STPG2: variants seen among roughly 807,000 people sequenced by gnomAD.
The protein encoded by STPG2 is sperm tail PG-rich repeat containing 2.
In STPG2, 56 loss-of-function variants were observed where a neutral mutation model predicts 54.2. The observed-to-expected ratio is 1.03, with a 90% CI of 0.83 to 1.29. The LOEUF (loss-of-function observed/expected upper bound fraction) is 1.29, where lower values mean the gene tolerates loss of function less well. STPG2 is among the 50% of genes most tolerant of loss of function. STPG2 has a pLI of 0.00. For missense variants in STPG2, 596 were observed against 544.9 expected (o/e 1.09, Z -0.93); for synonymous variants, 200 against 181.8 (o/e 1.10, Z -0.81).
intron 4 of STPG2, among the ~76,000 whole-genome samples, chr4:97,537,267 CA>C (rs1731557455): frequency 6.6e-6 from 1 of 152,172 alleles, no homozygotes; most frequent in Admixed American, 6.5e-5. Flanking sequence ...CCGGGAAGCA[CA>C]AGGGGTCAGG....
chr4:97,666,262 T>C (rs1560709841), intron 10 of STPG2, among the ~76,000 whole-genome samples: 1 of 152,078 alleles, frequency 6.6e-6, no homozygotes. Flanking sequence ...CTGCTACTCC[T>C]CCCACACTAC....
chr4:97,770,829 T>A (rs1726195530), intron 9 of STPG2, among the ~76,000 whole-genome samples: 1 of 152,128 alleles, frequency 6.6e-6, no homozygotes, highest in Non-Finnish European at 1.5e-5. Flanking sequence ...AAGGCAGAGA[T>A]CAGGATGTAA....
chr4:98,086,734 T>C (rs1329347803), intron 5 of STPG2, among the ~76,000 whole-genome samples: 1 of 151,300 alleles, frequency 6.6e-6, no homozygotes, highest in Non-Finnish European at 1.5e-5. Context: ...ACCATTGTCC[T>C]GATGATATTG....
chr4:97,696,570 C>T (rs1256940214), intron 10 of STPG2, among the ~76,000 whole-genome samples: 1 of 152,192 alleles, frequency 6.6e-6, no homozygotes, highest in Admixed American at 6.5e-5. Context: ...AAGAAATAAT[C>T]AGCAGAGTAA....
chr4:97,703,978 G>C (rs1190186567), intron 10 of STPG2, among the ~76,000 whole-genome samples: 2 of 151,986 alleles, frequency 1.3e-5, no homozygotes, highest in East Asian at 3.9e-4. Flanking sequence ...TCCAGCATGA[G>C]AGAAAGATAT....
At chr4:97,505,548 G>A (rs2148836578) in intron 4 of STPG2, among the ~76,000 whole-genome samples, 1 of 152,042 alleles carries the variant, frequency 6.6e-6, no homozygotes, top group African/African-American at 2.4e-5. Context: ...AGAATGCAAA[G>A]TTCCTAAGTT....
chr4:97,556,974 A>T (rs1732091992), downstream of STPG2, among the ~76,000 whole-genome samples: 3 of 152,208 alleles, frequency 2.0e-5, no homozygotes, highest in Admixed American at 2.0e-4. Context: ...AGAGGTCAAG[A>T]GCTCGAGACC....
At chr4:97,907,453 T>C (rs1731479812) in intron 8 of STPG2, among the ~76,000 whole-genome samples, 1 of 152,164 alleles carries the variant, frequency 6.6e-6, no homozygotes, top group Non-Finnish European at 1.5e-5. Context: ...CAAGGTAATT[T>C]ACAGATTCAA....
At chr4:97,944,105 T>A in intron 7 of STPG2, 98 bp from the exon 8 acceptor site, 1 of 769,248 alleles carries the variant, frequency 1.3e-6, no homozygotes, top group Non-Finnish European at 2.1e-6. Flanking sequence ...ATCAGTATTA[T>A]CTGGCATTAA....
At chr4:97,666,853 A>C (rs1722544341) in intron 10 of STPG2, among the ~76,000 whole-genome samples, 1 of 152,144 alleles carries the variant, frequency 6.6e-6, no homozygotes, top group South Asian at 2.1e-4. Flanking sequence ...AAAGACCTGA[A>C]CTATGTCAGC....
intron 4 of STPG2, among the ~76,000 whole-genome samples, chr4:97,458,411 G>A (rs79831613): frequency 6.6e-6 from 1 of 152,178 alleles, no homozygotes; most frequent in African/African-American, 2.4e-5. Flanking sequence ...ATGTTAAAGA[G>A]CTATGCTTTC....
At chr4:98,095,522 C>G (rs1314871112) in intron 5 of STPG2, among the ~76,000 whole-genome samples, 4 of 152,124 alleles carry the variant, frequency 2.6e-5, no homozygotes, top group African/African-American at 4.8e-5. Context: ...AGTAGCTATA[C>G]TTACATCAGT....
Position 97,676,006 on chromosome 4 carries a change from AT to A in STPG2, c.1320+36692del, listed in dbSNP as rs1216403199. Among the ~76,000 whole-genome samples, 7 of 146,216 alleles carry A rather than the reference AT, an allele frequency of 4.8e-5. No individual in the cohort carries two copies. The Admixed American group carries it at 4.8e-4, about 10-fold the overall frequency. ...TATATATATAAAACATATATATACT[AT>A]ATATATTACTAAATTTATAAATTTA... is the stretch of plus-strand genomic sequence containing the variant. On this transcript the variant is annotated intron_variant, in intron 10 of 10. Transcript: ENST00000295268.
intron 9 of STPG2, among the ~76,000 whole-genome samples, chr4:97,766,188 C>T (rs1726044653): frequency 6.6e-6 from 1 of 152,034 alleles, no homozygotes; most frequent in Non-Finnish European, 1.5e-5. Context: ...AGACTTTCCC[C>T]ATGTCCTATA....
intron 10 of STPG2, among the ~76,000 whole-genome samples, 160 bp from the exon 11 acceptor site, chr4:97,559,277 T>G: frequency 6.6e-6 from 1 of 152,226 alleles, no homozygotes; most frequent in East Asian, 1.9e-4. Flanking sequence ...GAGCTTGTTT[T>G]ATTACTTCGT....
rs567903300 is a variant in STPG2, at chr4:97,814,888, T to C, written c.1204+25885A>G. Among the ~76,000 whole-genome samples, 4 of 152,230 alleles carry C rather than the reference T, an allele frequency of 2.6e-5. No individual in the cohort carries two copies. In the South Asian group the frequency reaches 8.3e-4, roughly 32 times the overall value. Reference sequence around the variant, plus strand: ...TGCTCTTCAGCTTGCAGAGAGCCTATTGTGGGACCCTGTGATCGTGTGAGT... The same window carrying C: ...TGCTCTTCAGCTTGCAGAGAGCCTACTGTGGGACCCTGTGATCGTGTGAGT... On this transcript the variant is annotated intron_variant, in intron 9 of 10. Transcript: ENST00000295268.
At chr4:97,637,128 A>G (rs1308577250) in intron 10 of STPG2, among the ~76,000 whole-genome samples, 1 of 151,654 alleles carries the variant, frequency 6.6e-6, no homozygotes, top group Non-Finnish European at 1.5e-5. Flanking sequence ...GCAGCACATC[A>G]AAAAGCTTAT....
chr4:97,845,825 A>G (rs1728932544), intron 8 of STPG2, among the ~76,000 whole-genome samples: 1 of 152,218 alleles, frequency 6.6e-6, no homozygotes, highest in Non-Finnish European at 1.5e-5. Context: ...AGACCTTCCT[A>G]TGTAAATTGA....
intron 10 of STPG2, among the ~76,000 whole-genome samples, chr4:97,611,754 ATTAT>A (rs1432042918): frequency 5.9e-5 from 9 of 152,022 alleles, no homozygotes; most frequent in Admixed American, 4.6e-4. Flanking sequence ...GAGACTATTA[ATTAT>A]TTATTACCAA....
Sources: allele counts gnomAD v4.1 joint callset (sites outside exome capture counted in the v4.1 genomes callset), GRCh38; gene constraint gnomAD v4.1.1; transcripts MANE v1.5; gene names NCBI Gene and HGNC (gene_info 2026-07-23, HGNC 2026-07-21).